ZNF518A: variants seen among roughly 807,000 people sequenced by gnomAD.
The protein encoded by ZNF518A is zinc finger protein 518.
Under a neutral mutation model 102.7 loss-of-function variants are expected in ZNF518A, and 47 were observed. The ratio of observed to expected loss-of-function variants is 0.46; its 90% CI spans 0.36 to 0.58. The LOEUF (loss-of-function observed/expected upper bound fraction) is 0.58, where lower values mean the gene tolerates loss of function less well. Among genes scored for constraint, ZNF518A ranks in the 20% least tolerant of loss-of-function variants. The pLI is 0.00. For missense variants in ZNF518A, 1,793 were observed against 1,699.8 expected (o/e 1.05, Z -0.96); for synonymous variants, 652 against 594.6 (o/e 1.10, Z -1.40).
Position 96,156,277 on chromosome 10 carries a change from C to A in ZNF518A, c.-46C>A. ...TTCCTGTTTAAATTACAGATAACTT[C>A]AAGAGTTTTCAGAAAAAAAGAAATT... is the stretch of plus-strand genomic sequence containing the variant. On this transcript the variant is annotated 5_prime_UTR_variant, in exon 6 of 6. Coordinates refer to ENST00000316045, the MANE Select transcript of ZNF518A (RefSeq NM_001330736.2). 6.6e-7 allele frequency: 1 copy of A among 1,518,828 alleles called. No individual in the cohort carries two copies. Among genetic ancestry groups the A allele is most frequent in the Non-Finnish European group, 8.8e-7 (1 of 1,140,206 alleles). The allele number at this position is 1,518,828 out of a possible 1,614,324, so 94.1% of individuals were successfully genotyped here.
chr10:96,134,087 T>C (rs1314979607), intron 3 of ZNF518A, among the ~76,000 whole-genome samples: 2 of 152,202 alleles, frequency 1.3e-5, no homozygotes, highest in Non-Finnish European at 2.9e-5. Context: ...TCTGAAACTT[T>C]TTGAGTGCTG....
chr10:96,154,729 C>T (rs1353719152), intron 3 of ZNF518A, among the ~76,000 whole-genome samples: 2 of 152,248 alleles, frequency 1.3e-5, no homozygotes, highest in East Asian at 3.9e-4. Context: ...CTTCATGAGG[C>T]CTTCATCTTG....
rs781830156 is a variant in ZNF518A, at chr10:96,159,684, A to G, written c.3362A>G (p.Lys1121Arg). ...AATAAAACTGAGCTGCTTAAGCCCAAATTAGTCCAAAATAGTACTTATCAA... is the reference window on the plus strand; with the variant it reads ...AATAAAACTGAGCTGCTTAAGCCCAGATTAGTCCAAAATAGTACTTATCAA... ...MPNKTELLKPKLVQNSTYQNI... is the reference protein window; with the variant it reads ...MPNKTELLKPRLVQNSTYQNI... Residue 1121 changes from lysine to arginine, a missense_variant, in exon 6 of 6, where the codon AAA (lysine) becomes AGA (arginine). Lys to Arg is a conservative substitution (Grantham distance 26, BLOSUM62 2). This residue lies in a region of ZNF518A where 1,741 missense variants were observed against 1,622.6 expected (regional missense o/e 1.07). Coordinates refer to ENST00000316045, the MANE Select transcript of ZNF518A (RefSeq NM_001330736.2). 2 of 1,613,474 alleles carry G rather than the reference A, an allele frequency of 1.2e-6. No homozygotes were observed. Among genetic ancestry groups the G allele is most frequent in the Non-Finnish European group, 8.5e-7 (1 of 1,179,782 alleles).
intron 3 of ZNF518A, among the ~76,000 whole-genome samples, chr10:96,134,874 A>G (rs112957159): frequency 1.3e-5 from 2 of 151,902 alleles, no homozygotes; most frequent in Non-Finnish European, 2.9e-5. Flanking sequence ...TAGTAAGCTT[A>G]TCGTCAATTC....
chr10:96,191,169 T>C (rs1488475670), intron 1 of ZNF518A, among the ~76,000 whole-genome samples: 1 of 151,984 alleles, frequency 6.6e-6, no homozygotes. Flanking sequence ...CCTTTGCTTC[T>C]TCTTTGCCTT....
At chr10:96,172,541 G>T (rs1342291525) in intron 1 of ZNF518A, among the ~76,000 whole-genome samples, 5 of 151,950 alleles carry the variant, frequency 3.3e-5, no homozygotes, top group African/African-American at 1.2e-4. Flanking sequence ...CCTATTGTGT[G>T]TAACAATAAG....
At chr10:96,187,899 G>A (rs2083281970) in intron 1 of ZNF518A, among the ~76,000 whole-genome samples, 1 of 152,270 alleles carries the variant, frequency 6.6e-6, no homozygotes, top group African/African-American at 2.4e-5. Flanking sequence ...AGGCCAGAGT[G>A]CAGTGGCATG....
chr10:96,171,731 G>A (rs587704548), intron 1 of ZNF518A, among the ~76,000 whole-genome samples: 1 of 152,210 alleles, frequency 6.6e-6, no homozygotes, highest in South Asian at 2.1e-4. Context: ...CAACATATGT[G>A]TAATGAAAAA....
intron 1 of ZNF518A, among the ~76,000 whole-genome samples, chr10:96,184,936 C>T (rs1314100783): frequency 1.3e-5 from 2 of 152,168 alleles, no homozygotes; most frequent in African/African-American, 2.4e-5. Flanking sequence ...CTTTCAGGTA[C>T]ACCAATCAAA....
chr10:96,199,337 A>G (rs1554895460), intron 1 of ZNF518A: 2 of 258,812 alleles, frequency 7.7e-6, no homozygotes, highest in African/African-American at 4.4e-5. Context: ...GGGCTCTCCA[A>G]ACATTTACTT....
intron 1 of ZNF518A, chr10:96,191,903 G>A (rs1367767600): frequency 6.3e-7 from 1 of 1,594,578 alleles, no homozygotes; most frequent in East Asian, 2.2e-5. Flanking sequence ...GAAGTTTTGG[G>A]ACTTTTTCTC....
chr10:96,196,367 G>C (rs1443813446), intron 1 of ZNF518A, among the ~76,000 whole-genome samples: 1 of 152,188 alleles, frequency 6.6e-6, no homozygotes, highest in Non-Finnish European at 1.5e-5. Context: ...GTTTGGTCCA[G>C]ATTAAAGAGG....
chr10:96,181,134 A>T (rs1292373436), intron 1 of ZNF518A, among the ~76,000 whole-genome samples: 2 of 152,200 alleles, frequency 1.3e-5, no homozygotes, highest in Middle Eastern at 3.2e-3. Flanking sequence ...TTGGCTGCAT[A>T]AAAGTCTTCT....
downstream of ZNF518A, chr10:96,204,189 T>TAA: frequency 7.8e-7 from 1 of 1,274,860 alleles, no homozygotes; most frequent in Non-Finnish European, 1.1e-6. Flanking sequence ...ACATCACAAA[T>TAA]AAATCAATAC....
intron 3 of ZNF518A, among the ~76,000 whole-genome samples, chr10:96,153,566 C>T (rs782547300): frequency 6.6e-6 from 1 of 152,168 alleles, no homozygotes; most frequent in Non-Finnish European, 1.5e-5. Context: ...ATATGCCATA[C>T]ATTAAATACA....
chr10:96,179,325 CAAAG>C (rs1360599396), intron 1 of ZNF518A, among the ~76,000 whole-genome samples: 2 of 151,842 alleles, frequency 1.3e-5, no homozygotes, highest in Non-Finnish European at 2.9e-5. Flanking sequence ...TTAAAATAGA[CAAAG>C]GAACAGATTC....
intron 1 of ZNF518A, among the ~76,000 whole-genome samples, chr10:96,171,048 A>G (rs1410941404): frequency 3.3e-5 from 5 of 151,506 alleles, no homozygotes; most frequent in Non-Finnish European, 7.4e-5. Context: ...CCAGATGATG[A>G]GGCCAGGAAG....
chr10:96,180,449 A>T (rs1352766465), intron 1 of ZNF518A, among the ~76,000 whole-genome samples: 2 of 151,244 alleles, frequency 1.3e-5, no homozygotes, highest in Non-Finnish European at 2.9e-5. Context: ...GCACCCATTA[A>T]CTCGTAATTT....
At chr10:96,148,542 C>T (rs2082277027) in intron 3 of ZNF518A, among the ~76,000 whole-genome samples, 1 of 44 alleles carries the variant, frequency 0.023, no homozygotes, top group Admixed American at 0.25. Flanking sequence ...AGAGGGTTTT[C>T]TCAGACTGTC....
Sources: gnomAD v4.1 joint callset for allele counts (sites outside exome capture counted in the v4.1 genomes callset) on GRCh38, gnomAD v4.1.1 for gene constraint, gnomAD v4.1.1 regional missense constraint, MANE v1.5 for transcripts, NCBI Gene and HGNC (gene_info 2026-07-23, HGNC 2026-07-21) for gene names.